The following CAMK1D variants were observed in gnomAD, a reference collection of about 807,000 sequenced individuals.
CAMK1D encodes calcium/calmodulin dependent protein kinase ID.
In CAMK1D, 9 loss-of-function variants were observed where a neutral mutation model predicts 47.7. The ratio of observed to expected loss-of-function variants is 0.19; its 90% confidence interval spans 0.11 to 0.33. The LOEUF (loss-of-function observed/expected upper bound fraction) is 0.33. Among genes scored for constraint, CAMK1D ranks in the 10% least tolerant of loss-of-function variants. CAMK1D has a pLI of 1.00. For synonymous variants in CAMK1D, 184 were observed against 184.9 expected, an observed-to-expected ratio of 0.99 and a Z score of 0.04; for missense variants, 291 against 488.7, an observed-to-expected ratio of 0.60 and a Z score of 3.81.
chr10:12,627,201 C>T (rs1839245175), intron 2 of CAMK1D, among the ~76,000 whole-genome samples: 3 of 151,410 alleles, frequency 2.0e-5, no homozygotes, highest in Middle Eastern at 3.4e-3. Flanking sequence ...CCTGCCTCAG[C>T]TTCCCGAGTA....
intron 1 of CAMK1D, among the ~76,000 whole-genome samples, chr10:12,443,041 A>C (rs1832827260): frequency 6.6e-6 from 1 of 152,036 alleles, no homozygotes. Flanking sequence ...ATTTTGAGCC[A>C]TTTTCTTTAT....
intron 2 of CAMK1D, among the ~76,000 whole-genome samples, chr10:12,597,402 G>GC (rs1838175841): frequency 6.6e-6 from 1 of 152,130 alleles, no homozygotes; most frequent in Non-Finnish European, 1.5e-5. Context: ...AGTTCTGCCT[G>GC]CCCACGGTCA....
intron 1 of CAMK1D, among the ~76,000 whole-genome samples, chr10:12,461,035 ACTCTGCCTCCT>A (rs1833406033): frequency 6.6e-6 from 1 of 152,084 alleles, no homozygotes; most frequent in South Asian, 2.1e-4. Context: ...AAGGACCTCC[ACTCTGCCTCCT>A]CAATTCACCT....
intron 4 of CAMK1D, among the ~76,000 whole-genome samples, chr10:12,768,520 C>CTGCGCTCCCTTTACGG (rs1836885302): frequency 6.6e-6 from 1 of 152,142 alleles, no homozygotes; most frequent in Admixed American, 6.5e-5. Context: ...ATTCTTCGTG[C>CTGCGCTCCCTTTACGG]TGCGCTCCCT....
chr10:12,598,759 G>C (rs1363590620), intron 2 of CAMK1D, among the ~76,000 whole-genome samples: 1 of 152,208 alleles, frequency 6.6e-6, no homozygotes, highest in African/African-American at 2.4e-5. Flanking sequence ...GCCTGGAGGG[G>C]TAGAAGCAAA....
intron 3 of CAMK1D, among the ~76,000 whole-genome samples, chr10:12,755,629 G>T (rs1836192194): frequency 6.6e-6 from 1 of 152,100 alleles, no homozygotes; most frequent in Admixed American, 6.6e-5. Context: ...CAGTGTAAAA[G>T]TGTTCCTATT....
intron 1 of CAMK1D, among the ~76,000 whole-genome samples, chr10:12,477,817 C>T (rs572976890): frequency 2.8e-4 from 42 of 152,150 alleles, no homozygotes; most frequent in Non-Finnish European, 4.9e-4. Flanking sequence ...TGTTTGGCTG[C>T]GGGGAAGCCT....
intron 3 of CAMK1D, among the ~76,000 whole-genome samples, chr10:12,699,265 A>C (rs1344333935): frequency 1.3e-5 from 2 of 152,198 alleles, no homozygotes; most frequent in East Asian, 3.9e-4. Context: ...AGTGTCCAAA[A>C]GAACTGTGAT....
intron 3 of CAMK1D, among the ~76,000 whole-genome samples, chr10:12,726,191 C>T (rs1157623921): frequency 6.6e-6 from 1 of 151,880 alleles, no homozygotes; most frequent in Non-Finnish European, 1.5e-5. Context: ...TTTGGGAGGC[C>T]TAGGCGGGTG....
Position 12,832,530 on chromosome 10 carries a change from T to G in CAMK1D, c.*3643T>G, listed in dbSNP as rs915423600. The G allele has an allele frequency of 6.6e-6, 1 of 152,176 alleles. No homozygotes were observed. The highest frequency in any genetic ancestry group is 1.5e-5 in the Non-Finnish European group (1 of 68,074). 9.4% of individuals were successfully genotyped at this position (152,176 alleles called of 1,614,324 possible). A position where few individuals can be genotyped will look rare whatever the true frequency, so the allele number is the denominator to read the frequency against. On this transcript the variant is annotated 3_prime_UTR_variant, in exon 11 of 11. Transcript: ENST00000619168. Reference sequence around the variant, plus strand: ...TGCACAGTGGCTGATTTTCACCAGTTCCTCCTACCCCTGCCTCTGTCGGAG... The same window carrying G: ...TGCACAGTGGCTGATTTTCACCAGTGCCTCCTACCCCTGCCTCTGTCGGAG...
intron 2 of CAMK1D, among the ~76,000 whole-genome samples, chr10:12,563,664 T>TGAGA (rs373932374): frequency 0.018 from 2,299 of 130,074 alleles, 83 homozygotes; most frequent in African/African-American, 0.055. Flanking sequence ...GCGGAAGGTT[T>TGAGA]GAGAGAGAGA....
chr10:12,575,342 T>C (rs1315023344), intron 2 of CAMK1D, among the ~76,000 whole-genome samples: 1 of 152,154 alleles, frequency 6.6e-6, no homozygotes, highest in African/African-American at 2.4e-5. Flanking sequence ...CCACCCGCCT[T>C]GGCCTCCTAA....
chr10:12,382,312 A>G (rs887967329), intron 1 of CAMK1D, among the ~76,000 whole-genome samples: 3 of 152,092 alleles, frequency 2.0e-5, no homozygotes, highest in Admixed American at 1.3e-4. Flanking sequence ...TATCTGTGTC[A>G]TATCTTGTAA....
At chr10:12,807,197 G>A in intron 6 of CAMK1D, among the ~76,000 whole-genome samples, 1 of 152,212 alleles carries the variant, frequency 6.6e-6, no homozygotes, top group East Asian at 1.9e-4. Context: ...GCTCTGCCCG[G>A]CATGAAAGGA....
At chr10:12,413,567 A>G in intron 1 of CAMK1D, among the ~76,000 whole-genome samples, 1 of 149,086 alleles carries the variant, frequency 6.7e-6, no homozygotes, top group African/African-American at 2.4e-5. Flanking sequence ...GATGATGATG[A>G]CATTGGGGAT....
intron 2 of CAMK1D, among the ~76,000 whole-genome samples, chr10:12,582,669 G>T (rs1474179682): frequency 6.6e-6 from 1 of 152,146 alleles, no homozygotes; most frequent in Non-Finnish European, 1.5e-5. Context: ...TTGATTCTCA[G>T]CTTGGTCACT....
At chr10:12,770,600 A>G (rs550029237) in intron 5 of CAMK1D, among the ~76,000 whole-genome samples, 1 of 152,226 alleles carries the variant, frequency 6.6e-6, no homozygotes, top group Admixed American at 6.5e-5. Flanking sequence ...TGGAGCTTAC[A>G]TTTTAGTTGG....
intron 6 of CAMK1D, among the ~76,000 whole-genome samples, chr10:12,812,835 C>T (rs930012237): frequency 1.3e-5 from 2 of 152,178 alleles, no homozygotes; most frequent in Non-Finnish European, 2.9e-5. Context: ...AGGTCTTTTC[C>T]TGAGTGTTTT....
chr10:12,376,162 C>A (rs1276765304), intron 1 of CAMK1D, among the ~76,000 whole-genome samples: 7 of 60,000 alleles, frequency 1.2e-4, no homozygotes, highest in South Asian at 8.4e-4. Flanking sequence ...GACTCTGTCC[C>A]AAAAAAAAAA....
Sources: gnomAD v4.1 joint callset for allele counts (sites outside exome capture counted in the v4.1 genomes callset) on GRCh38, gnomAD v4.1.1 for gene constraint, MANE v1.5 for transcripts, NCBI Gene and HGNC (gene_info 2026-07-23, HGNC 2026-07-21) for gene names.